CLEC2D: variants seen among roughly 807,000 people sequenced by gnomAD.
CLEC2D encodes C-type lectin related f.
A neutral mutation model predicts 20.0 loss-of-function variants in CLEC2D; 16 were observed. The observed-to-expected ratio is 0.80, with a 90% CI of 0.54 to 1.22. The LOEUF (loss-of-function observed/expected upper bound fraction) is 1.22. CLEC2D is among the 50% of genes most tolerant of loss of function. The pLI is 0.00. For synonymous variants in CLEC2D, 77 were observed against 71.1 expected (o/e 1.08, Z -0.42); for missense variants, 207 against 221.5 (o/e 0.93, Z 0.42).
chr12:9,678,438 CATT>C (rs762410945), intron 1 of CLEC2D, among the ~76,000 whole-genome samples: 4 of 151,268 alleles, frequency 2.6e-5, no homozygotes, highest in Non-Finnish European at 5.9e-5. Flanking sequence ...GCATTTAGAT[CATT>C]GATATTAAAA....
At chr12:9,676,497 C>T (rs1423487057) in intron 1 of CLEC2D, among the ~76,000 whole-genome samples, 2 of 151,954 alleles carry the variant, frequency 1.3e-5, no homozygotes, top group Admixed American at 6.6e-5. Context: ...GAATGTTGAA[C>T]CTGCCTTAAA....
chr12:9,697,273 T>A lies in CLEC2D; in HGVS notation c.*2399T>A, dbSNP rs2121000836. ...GGCCTGCCCAGGGTGGAAAACCACT[T>A]AAAGGCGTTCTTAAGCTACAAACAA... On this transcript the variant is annotated 3_prime_UTR_variant, in exon 5 of 5. Coordinates refer to ENST00000290855, the MANE Select transcript of CLEC2D (RefSeq NM_013269.6). 6.6e-6 allele frequency: 1 copy of A among 152,274 alleles called. No individual in the cohort carries two copies. The highest frequency in any genetic ancestry group is 2.4e-5 in the African/African-American group (1 of 41,552). 9.4% of individuals were successfully genotyped at this position (152,274 alleles called of 1,614,324 possible). A position where few individuals can be genotyped will look rare whatever the true frequency, so the allele number is the denominator to read the frequency against.
At chr12:9,688,347 G>T (rs903884259) in intron 3 of CLEC2D, among the ~76,000 whole-genome samples, 19 of 152,202 alleles carry the variant, frequency 1.2e-4, no homozygotes, top group Admixed American at 1.2e-3. Flanking sequence ...AGCCAGAATT[G>T]TGCAAATAAG....
intron 2 of CLEC2D, among the ~76,000 whole-genome samples, chr12:9,686,441 G>T (rs1865751981): frequency 2.0e-5 from 3 of 151,824 alleles, no homozygotes; most frequent in Non-Finnish European, 4.4e-5. Flanking sequence ...GTTATAATTT[G>T]GTATCACCTT....
intron 1 of CLEC2D, among the ~76,000 whole-genome samples, chr12:9,670,493 A>G (rs186598343): frequency 3.9e-5 from 6 of 152,288 alleles, no homozygotes; most frequent in Admixed American, 2.6e-4. Flanking sequence ...TTATTTCTTC[A>G]TTCATTGGGT....
intron 1 of CLEC2D, among the ~76,000 whole-genome samples, chr12:9,676,611 G>A (rs1254669094): frequency 6.6e-6 from 1 of 152,052 alleles, no homozygotes; most frequent in East Asian, 1.9e-4. Context: ...ATGTTCATGA[G>A]GTATATTGGT....
At chr12:9,679,820 C>T (rs1386266522) in intron 1 of CLEC2D, among the ~76,000 whole-genome samples, 1 of 152,116 alleles carries the variant, frequency 6.6e-6, no homozygotes, top group Non-Finnish European at 1.5e-5. Context: ...GATAAATTAA[C>T]TAGAGGTGTG....
intron 4 of CLEC2D, among the ~76,000 whole-genome samples, chr12:9,694,317 A>G (rs908481078): frequency 2.0e-5 from 3 of 152,206 alleles, no homozygotes; most frequent in African/African-American, 7.2e-5. Flanking sequence ...ATCTGTGCCA[A>G]GCCATCTAAA....
intron 2 of CLEC2D, among the ~76,000 whole-genome samples, chr12:9,684,705 C>A (rs1865715735): frequency 1.3e-5 from 2 of 152,086 alleles, no homozygotes; most frequent in South Asian, 4.1e-4. Context: ...ATATATTGAA[C>A]CAGACTTTCA....
chr12:9,679,339 A>C (rs1290536762), intron 1 of CLEC2D, among the ~76,000 whole-genome samples: 1 of 152,040 alleles, frequency 6.6e-6, no homozygotes, highest in Non-Finnish European at 1.5e-5. Flanking sequence ...ATTGCATTTA[A>C]CTTTTTTGTT....
At chr12:9,690,569 TATG>T (rs1290789912) in intron 3 of CLEC2D, among the ~76,000 whole-genome samples, 7 of 152,058 alleles carry the variant, frequency 4.6e-5, no homozygotes, top group African/African-American at 9.7e-5. Flanking sequence ...AAATTATAAA[TATG>T]ATAGTGGTCA....
intron 1 of CLEC2D, among the ~76,000 whole-genome samples, chr12:9,674,931 T>G (rs1311869882): frequency 6.6e-6 from 1 of 152,178 alleles, no homozygotes; most frequent in East Asian, 1.9e-4. Context: ...TCTACGAGTT[T>G]TACAGTTTTG....
intron 1 of CLEC2D, 37 bp from the exon 2 acceptor site, chr12:9,680,886 T>A: frequency 9.6e-7 from 1 of 1,040,478 alleles, no homozygotes; most frequent in Non-Finnish European, 1.5e-6. Flanking sequence ...TATGTCTGTA[T>A]TTAATTGTTA....
At chr12:9,680,692 T>C (rs1324116298) in intron 1 of CLEC2D, among the ~76,000 whole-genome samples, 4 of 152,320 alleles carry the variant, frequency 2.6e-5, no homozygotes, top group African/African-American at 9.6e-5. Flanking sequence ...ATCTCTCCAA[T>C]TGAAAGGGTA....
chr12:9,687,062 TGGGG>T lies in CLEC2D; in HGVS notation c.173-839_173-836del, dbSNP rs912965146. On this transcript the variant is annotated intron_variant, in intron 2 of 4. Coordinates refer to ENST00000290855, the MANE Select transcript of CLEC2D (RefSeq NM_013269.6). ...TGTGAAAGACAACGTTTTCATGGAC[TGGGG>T]TCAAGGAATGGTTTGGGGATAATTT... Among the ~76,000 whole-genome samples, 93 of 152,328 alleles carry T rather than the reference TGGGG, an allele frequency of 6.1e-4. 1 individual carries two copies. Among genetic ancestry groups the T allele is most frequent in the African/African-American group, 2.0e-3 (85 of 41,578 alleles).
At position 9,697,312 on chromosome 12, in the gene CLEC2D, C is replaced by A. The variant is rs1866019858; in HGVS notation, c.*2438C>A. 6.6e-6 allele frequency: 1 copy of A among 152,228 alleles called. No homozygotes were observed. Among genetic ancestry groups the A allele is most frequent in the African/African-American group, 2.4e-5 (1 of 41,456 alleles). The allele number at this position is 152,228 out of a possible 1,614,324, so 9.4% of individuals were successfully genotyped here. A position where few individuals can be genotyped will look rare whatever the true frequency, so the allele number is the denominator to read the frequency against. On this transcript the variant is annotated 3_prime_UTR_variant, in exon 5 of 5. Transcript: ENST00000290855. ...AGCTACAAACAATAGCATGAGCGAT[C>A]TGTGCCTTAAGGACATGTTCCTGCT...
At chr12:9,693,969 C>CTTTTTT in intron 4 of CLEC2D, 2 of 62,518 alleles carry the variant, frequency 3.2e-5, no homozygotes, top group Admixed American at 3.8e-4. Context: ...CCTTGCTTGG[C>CTTTTTT]TTTTTTTTTT....
At chr12:9,690,036 C>T (rs111250198) in intron 3 of CLEC2D, among the ~76,000 whole-genome samples, 21 of 150,680 alleles carry the variant, frequency 1.4e-4, no homozygotes, top group Middle Eastern at 6.9e-3. Context: ...AAAGGGTAAA[C>T]TTAAAGAGAT....
intron 3 of CLEC2D, among the ~76,000 whole-genome samples, chr12:9,689,349 C>T (rs1865817438): frequency 6.6e-6 from 1 of 152,124 alleles, no homozygotes; most frequent in African/African-American, 2.4e-5. Flanking sequence ...GCCACAACAA[C>T]CAAGATTTGA....
Sources: gnomAD v4.1 joint callset for allele counts (sites outside exome capture counted in the v4.1 genomes callset) on GRCh38, gnomAD v4.1.1 for gene constraint, MANE v1.5 for transcripts, NCBI Gene and HGNC (gene_info 2026-07-23, HGNC 2026-07-21) for gene names.